PCDH10: variants seen among roughly 807,000 people sequenced by gnomAD.
PCDH10 encodes protocadherin-10.
In PCDH10, 15 loss-of-function variants were observed where a neutral mutation model predicts 74.4. The observed-to-expected ratio is 0.20, with a 90% CI of 0.13 to 0.31. The LOEUF is 0.31. Among genes scored for constraint, PCDH10 ranks in the 10% least tolerant of loss-of-function variants. The pLI is 1.00. For missense variants in PCDH10, 1,260 were observed against 1,390.2 expected, an observed-to-expected ratio of 0.91 and a Z score of 1.49; for synonymous variants, 619 against 589.8, an observed-to-expected ratio of 1.05 and a Z score of -0.72.
chr4:133,203,637 C>T (rs954532631), intron 2 of PCDH10, among the ~76,000 whole-genome samples: 1 of 152,220 alleles, frequency 6.6e-6, no homozygotes. Context: ...TATAGGCATG[C>T]AGCCTTCCTC....
intron 4 of PCDH10, among the ~76,000 whole-genome samples, chr4:133,189,586 A>G (rs182213424): frequency 6.6e-6 from 1 of 152,210 alleles, no homozygotes; most frequent in African/African-American, 2.4e-5. Flanking sequence ...TGTATGGGCC[A>G]TAAAAATACT....
chr4:133,151,183 T>C lies in PCDH10; in HGVS notation c.1043T>C (p.Val348Ala). Residue 348 changes from valine (V) to alanine (A), a missense_variant, in exon 1 of 5, where the codon GTA becomes GCA. Val to Ala is a moderately conservative substitution (Grantham distance 64, BLOSUM62 0). Coordinates refer to ENST00000264360, the MANE Select transcript of PCDH10 (RefSeq NM_032961.3). ...VPAHCKVLVR[V>A]LDANDNAPEI... ...GCGCACTGCAAGGTGCTAGTGCGAGTACTGGATGCTAATGACAACGCGCCA... is the reference window on the plus strand; with the variant it reads ...GCGCACTGCAAGGTGCTAGTGCGAGCACTGGATGCTAATGACAACGCGCCA... 1.9e-6 allele frequency: 3 copies of C among 1,613,832 alleles called. No individual in the cohort carries two copies. The highest frequency in any genetic ancestry group is 2.5e-6 in the Non-Finnish European group (3 of 1,179,982).
At chr4:133,182,134 A>G (rs538440376) in intron 4 of PCDH10, among the ~76,000 whole-genome samples, 1 of 152,174 alleles carries the variant, frequency 6.6e-6, no homozygotes, top group Non-Finnish European at 1.5e-5. Flanking sequence ...AGCTGGAGTG[A>G]ATATTGTGAT....
chr4:133,160,773 T>G (rs1160526017), intron 3 of PCDH10, among the ~76,000 whole-genome samples: 2 of 151,814 alleles, frequency 1.3e-5, no homozygotes, highest in Non-Finnish European at 2.9e-5. Context: ...AAAAATGATA[T>G]TAGTTCTAAT....
At chr4:133,207,299 T>C (rs1452153456) in intron 2 of PCDH10, among the ~76,000 whole-genome samples, 1 of 152,168 alleles carries the variant, frequency 6.6e-6, no homozygotes, top group South Asian at 2.1e-4. Flanking sequence ...TTTTGAATAG[T>C]GGCCTGAAAT....
At chr4:133,185,071 G>T (rs1379187837) in intron 4 of PCDH10, among the ~76,000 whole-genome samples, 2 of 148,128 alleles carry the variant, frequency 1.4e-5, no homozygotes, top group African/African-American at 4.9e-5. Context: ...AAAACACTTT[G>T]AATATTATTA....
chr4:133,162,933 T>G, intron 3 of PCDH10, 44 bp from the exon 4 acceptor site: 2 of 1,492,300 alleles, frequency 1.3e-6, no homozygotes, highest in Non-Finnish European at 1.8e-6. Context: ...TAACTGGTCA[T>G]GTTGGTGAAG....
At chr4:133,181,160 A>G (rs1364307551) in intron 4 of PCDH10, among the ~76,000 whole-genome samples, 1 of 151,994 alleles carries the variant, frequency 6.6e-6, no homozygotes, top group Non-Finnish European at 1.5e-5. Flanking sequence ...TAAAAACAAA[A>G]ATTTTACTCA....
chr4:133,174,251 T>C (rs1433329680), intron 4 of PCDH10, among the ~76,000 whole-genome samples: 1 of 151,968 alleles, frequency 6.6e-6, no homozygotes, highest in Non-Finnish European at 1.5e-5. Context: ...CTTCATCACT[T>C]TGGAAGATAT....
intron 2 of PCDH10, 119 bp downstream of exon 2, chr4:133,154,484 G>T: frequency 3.4e-6 from 2 of 592,592 alleles, no homozygotes; most frequent in Non-Finnish European, 3.0e-6. Context: ...ATTAAGGCAG[G>T]ACATAAATAT....
intron 4 of PCDH10, among the ~76,000 whole-genome samples, chr4:133,182,143 A>G (rs575316070): frequency 7.2e-5 from 11 of 152,150 alleles, no homozygotes; most frequent in Non-Finnish European, 1.2e-4. Context: ...GAATATTGTG[A>G]TACAATAGGT....
At chr4:133,153,097 G>A (rs1341736467) in intron 1 of PCDH10, 37 of 1,327,402 alleles carry the variant, frequency 2.8e-5, no homozygotes, top group Non-Finnish European at 3.2e-5. Flanking sequence ...TGAAGGGAGA[G>A]GGAAATGTGG....
At chr4:133,170,792 G>C (rs181123708) in intron 4 of PCDH10, among the ~76,000 whole-genome samples, 2 of 151,754 alleles carry the variant, frequency 1.3e-5, no homozygotes, top group African/African-American at 4.8e-5. Flanking sequence ...TCCCGGGTTC[G>C]AGCGATTTTC....
intron 2 of PCDH10, among the ~76,000 whole-genome samples, chr4:133,203,627 T>C (rs560478679): frequency 6.6e-6 from 1 of 152,332 alleles, no homozygotes; most frequent in South Asian, 2.1e-4. Flanking sequence ...CATTGTCTAC[T>C]ATAGGCATGC....
intron 2 of PCDH10, among the ~76,000 whole-genome samples, chr4:133,200,246 A>G (rs1007952265): frequency 3.3e-5 from 5 of 152,128 alleles, no homozygotes; most frequent in Admixed American, 2.6e-4. Flanking sequence ...AATATATCAT[A>G]TGTAAATTAT....
At chr4:133,199,328 T>TAATAATAA (rs1553943450), downstream of PCDH10, among the ~76,000 whole-genome samples, 2 of 133,476 alleles carry the variant, frequency 1.5e-5, no homozygotes, top group African/African-American at 5.6e-5. Flanking sequence ...ATAATAATAA[T>TAATAATAA]TAATTAAATA....
At position 133,150,073 on chromosome 4, in the gene PCDH10, T is replaced by G. The variant is rs1049990941; in HGVS notation, c.-68T>G. On this transcript the variant is annotated 5_prime_UTR_variant, in exon 1 of 5. Coordinates refer to ENST00000264360, the MANE Select transcript of PCDH10 (RefSeq NM_032961.3). ...GTATTTTTTCAGATTTTTTTTTGTT[T>G]CGTGGTGGTGGGGGAGGTGATTGGG... 1 of 1,439,470 alleles carries G rather than the reference T, an allele frequency of 6.9e-7. No individual in the cohort carries two copies. Among genetic ancestry groups the G allele is most frequent in the African/African-American group, 1.4e-5 (1 of 70,214 alleles). The allele number at this position is 1,439,470 out of a possible 1,614,324, so 89.2% of individuals were successfully genotyped here. A position where few individuals can be genotyped will look rare whatever the true frequency, so the allele number is the denominator to read the frequency against.
At chr4:133,204,434 T>A (rs1400293024) in intron 2 of PCDH10, among the ~76,000 whole-genome samples, 1 of 152,164 alleles carries the variant, frequency 6.6e-6, no homozygotes, top group Non-Finnish European at 1.5e-5. Flanking sequence ...AGCCTACCTT[T>A]AAGGTGCTGT....
chr4:133,168,329 C>T (rs969858408), intron 4 of PCDH10, among the ~76,000 whole-genome samples: 1 of 151,214 alleles, frequency 6.6e-6, no homozygotes, highest in Non-Finnish European at 1.5e-5. Flanking sequence ...TCAGTACTTC[C>T]CTGTGACTTA....
Sources: gnomAD v4.1 joint callset for allele counts (sites outside exome capture counted in the v4.1 genomes callset) on GRCh38, gnomAD v4.1.1 for gene constraint, MANE v1.5 for transcripts, NCBI Gene and HGNC (gene_info 2026-07-23, HGNC 2026-07-21) for gene names.